VWDE: variants seen among roughly 807,000 people sequenced by gnomAD.
VWDE encodes the protein von Willebrand factor D and EGF domain-containing protein.
Under a neutral mutation model 178.4 loss-of-function variants are expected in VWDE, and 207 were observed. The observed-to-expected ratio is 1.16, with a 90% CI of 1.04 to 1.30. The LOEUF is 1.30. Ranked by LOEUF, VWDE falls within the 50% of genes most tolerant of loss-of-function variation. The pLI, the probability that VWDE is intolerant of heterozygous loss-of-function variation, is 0.00. For missense variants in VWDE, 2,287 were observed against 1,901.3 expected (o/e 1.20, Z -3.77); for synonymous variants, 738 against 651.4 (o/e 1.13, Z -2.02).
chr7:12,402,893 A>G (rs2128566821), intron 1 of VWDE, among the ~76,000 whole-genome samples: 1 of 152,262 alleles, frequency 6.6e-6, no homozygotes, highest in East Asian at 1.9e-4. Flanking sequence ...CAAGCTGCAG[A>G]TGGTTGAACA....
chr7:12,333,932 C>A (rs76530840), intron 27 of VWDE, among the ~76,000 whole-genome samples: 1,722 of 151,848 alleles, frequency 0.011, 39 homozygotes, highest in African/African-American at 0.039. Context: ...TAACATTAAG[C>A]AAAAATTTAA....
intron 1 of VWDE, among the ~76,000 whole-genome samples, chr7:12,402,938 T>G (rs1784976869): frequency 6.6e-6 from 1 of 152,084 alleles, no homozygotes; most frequent in Non-Finnish European, 1.5e-5. Context: ...GTAAGGAAAC[T>G]TGCAATATAA....
At chr7:12,396,606 G>T (rs1391134149) in intron 1 of VWDE, among the ~76,000 whole-genome samples, 1 of 151,944 alleles carries the variant, frequency 6.6e-6, no homozygotes. Flanking sequence ...CATACTCATG[G>T]ATTAGAAGAA....
intron 7 of VWDE, among the ~76,000 whole-genome samples, chr7:12,375,832 A>T (rs1163778806): frequency 2.0e-5 from 3 of 152,060 alleles, no homozygotes; most frequent in African/African-American, 7.2e-5. Flanking sequence ...CCTCGCTTCG[A>T]TAACAAAGAA....
At chr7:12,338,300 T>C (rs908289018) in intron 24 of VWDE, among the ~76,000 whole-genome samples, 3 of 151,966 alleles carry the variant, frequency 2.0e-5, no homozygotes, top group Admixed American at 6.6e-5. Context: ...TCTACTGTTA[T>C]TTCTCTGACA....
chr7:12,361,507 T>C lies in VWDE; in HGVS notation c.2913A>G (p.Glu971=), dbSNP rs750840983. 1 of 1,547,804 alleles carries C rather than the reference T, an allele frequency of 6.5e-7. No individual in the cohort carries two copies. The highest frequency in any genetic ancestry group is 1.2e-5 in the South Asian group (1 of 82,820). The part of the protein sequence containing the change: ...EVTKLQYNSS[E]WMPGEPIYTQ... The stretch of plus-strand genomic sequence containing the variant: ...TATAGATGGGTTCTCCAGGCATCCA[T>C]TCACTGCTATTATACTGAAGACATA... Residue 971 remains glutamate, a synonymous_variant, in exon 14 of 29, where the codon GAA becomes GAG. Transcript: ENST00000275358.
chr7:12,374,569 C>T (rs925844289), intron 9 of VWDE, 120 bp downstream of exon 9: 1 of 636,620 alleles, frequency 1.6e-6, no homozygotes, highest in Non-Finnish European at 2.6e-6. Flanking sequence ...GCCAGTAATG[C>T]CTTTCTGTCT....
At chr7:12,339,752 A>G (rs1244520701) in intron 24 of VWDE, among the ~76,000 whole-genome samples, 1 of 152,166 alleles carries the variant, frequency 6.6e-6, no homozygotes, top group Non-Finnish European at 1.5e-5. Flanking sequence ...ATTGGTTGAC[A>G]TTAATTCATA....
intron 28 of VWDE, among the ~76,000 whole-genome samples, chr7:12,332,181 G>C (rs1032611439): frequency 1.4e-4 from 12 of 85,934 alleles, no homozygotes; most frequent in Admixed American, 8.6e-4. Context: ...AATATCGAAA[G>C]CAAGTAAAGA....
At chr7:12,345,766 G>A (rs1781566644) in intron 19 of VWDE, among the ~76,000 whole-genome samples, 1 of 152,058 alleles carries the variant, frequency 6.6e-6, no homozygotes, top group Non-Finnish European at 1.5e-5. Context: ...CTGAGACTAC[G>A]ATCCACATGT....
intron 19 of VWDE, among the ~76,000 whole-genome samples, chr7:12,351,326 T>C (rs908645785): frequency 2.0e-5 from 3 of 152,228 alleles, no homozygotes; most frequent in East Asian, 3.9e-4. Context: ...CTTCCAACCA[T>C]AAGCTTCTCC....
At chr7:12,395,728 T>C (rs1464232746) in intron 1 of VWDE, among the ~76,000 whole-genome samples, 1 of 152,130 alleles carries the variant, frequency 6.6e-6, no homozygotes, top group Non-Finnish European at 1.5e-5. Flanking sequence ...TCAAGGACTA[T>C]ATAGAAAGTT....
At chr7:12,367,274 T>G (rs947988519) in intron 13 of VWDE, 83 bp downstream of exon 13, 13 of 1,159,564 alleles carry the variant, frequency 1.1e-5, no homozygotes, top group Non-Finnish European at 1.5e-5. Flanking sequence ...ATGTTGCTAA[T>G]TGATAGACCG....
At chr7:12,387,466 A>G (rs1784158137) in intron 3 of VWDE, among the ~76,000 whole-genome samples, 1 of 152,044 alleles carries the variant, frequency 6.6e-6, no homozygotes, top group African/African-American at 2.4e-5. Flanking sequence ...TTTTCTAATA[A>G]TACTGGTTTA....
chr7:12,347,876 A>T (rs1393379272), intron 19 of VWDE, among the ~76,000 whole-genome samples: 3 of 152,098 alleles, frequency 2.0e-5, no homozygotes, highest in African/African-American at 7.2e-5. Flanking sequence ...CAAAACAGAG[A>T]TATAGATCAA....
intron 24 of VWDE, among the ~76,000 whole-genome samples, chr7:12,338,496 G>A (rs1057352122): frequency 8.6e-5 from 13 of 151,930 alleles, no homozygotes; most frequent in Non-Finnish European, 1.8e-4. Context: ...TTTATGATGC[G>A]TAATCTTGCT....
intron 1 of VWDE, among the ~76,000 whole-genome samples, chr7:12,400,916 G>C (rs76206668): frequency 6.6e-6 from 1 of 151,908 alleles, no homozygotes; most frequent in African/African-American, 2.4e-5. Flanking sequence ...AACTAAAATC[G>C]AATTACTATA....
At chr7:12,355,346 G>A (rs1041924121) in intron 18 of VWDE, among the ~76,000 whole-genome samples, 1 of 151,666 alleles carries the variant, frequency 6.6e-6, no homozygotes, top group Non-Finnish European at 1.5e-5. Context: ...AACCCAGGAG[G>A]CGGAGCTTGC....
At chr7:12,341,435 C>G (rs1423674420) in intron 23 of VWDE, among the ~76,000 whole-genome samples, 1 of 152,010 alleles carries the variant, frequency 6.6e-6, no homozygotes, top group Admixed American at 6.6e-5. Context: ...AGTTTGAGAC[C>G]AGTCTGACCA....
Sources: gnomAD v4.1 joint callset for allele counts (sites outside exome capture counted in the v4.1 genomes callset) on GRCh38, gnomAD v4.1.1 for gene constraint, MANE v1.5 for transcripts, NCBI Gene and HGNC (gene_info 2026-07-23, HGNC 2026-07-21) for gene names.